CIPC: variants seen among roughly 807,000 people sequenced by gnomAD.
CIPC encodes CLOCK-interacting pacemaker.
Under a neutral mutation model 26.7 loss-of-function variants are expected in CIPC, and 12 were observed. The observed-to-expected ratio is 0.45, with a 90% CI of 0.29 to 0.73. CIPC has a LOEUF of 0.73. Among genes scored for constraint, CIPC ranks in the 30% least tolerant of loss-of-function variants. The pLI, the probability that CIPC is intolerant of heterozygous loss-of-function variation, is 0.12. For missense variants in CIPC, 417 were observed against 486.5 expected (o/e 0.86, Z 1.34); for synonymous variants, 170 against 189.8 (o/e 0.90, Z 0.86).
rs190343092 is a variant in CIPC at position 77,114,117 on chromosome 14, T to C, written c.999T>C (p.Thr333=). 79 of 1,614,078 alleles carry C rather than the reference T, an allele frequency of 4.9e-5. No individual in the cohort carries two copies. The East Asian group carries it at 1.6e-3, about 34-fold the overall frequency. Residue 333 remains threonine, a synonymous_variant, in exon 4 of 4, where the codon ACT becomes ACC. Transcript: ENST00000361786. ...VLHKSGLLEI[T]LKTKELIRQN... ...ATAAATCTGGTTTGCTGGAGATCAC[T>C]TTGAAAACCAAGGAGTTGATTCGTC...
intron 3 of CIPC, among the ~76,000 whole-genome samples, chr14:77,112,355 A>C (rs183499872): frequency 1.3e-5 from 2 of 152,308 alleles, no homozygotes; most frequent in Admixed American, 1.3e-4. Flanking sequence ...ATAATTGAGG[A>C]GTAATAAACA....
intron 1 of CIPC, among the ~76,000 whole-genome samples, chr14:77,100,547 TTC>T (rs1886460494): frequency 1.3e-5 from 2 of 150,468 alleles, no homozygotes; most frequent in South Asian, 4.2e-4. Context: ...CTGGCTCTGA[TTC>T]TCTCTTTTCT....
chr14:77,100,264 C>T (rs1391367903), intron 1 of CIPC, among the ~76,000 whole-genome samples: 7 of 120,078 alleles, frequency 5.8e-5, no homozygotes, highest in Non-Finnish European at 8.1e-5. Context: ...TTTTTTGAGA[C>T]GGAGTCTCAC....
At chr14:77,105,906 C>T (rs1198656177) in intron 2 of CIPC, 62 bp downstream of exon 2, 4 of 1,588,126 alleles carry the variant, frequency 2.5e-6, no homozygotes, top group East Asian at 4.5e-5. Context: ...AAAATTTCCT[C>T]CCCAAAACTC....
rs141636207 is a variant in CIPC, at chr14:77,108,389, C to T, written c.137-1423C>T. On this transcript the variant is annotated intron_variant, in intron 2 of 3. Transcript: ENST00000361786. ...ATCTTTGCCTGAATCATTACATTGG[C>T]GGTTTAAAAGTGGTGATCTTGGCCG... 9.4e-4 allele frequency among the ~76,000 whole-genome samples: 143 copies of T among 152,204 alleles called. 1 individual carries two copies. Among genetic ancestry groups the T allele is most frequent in the Non-Finnish European group, 1.6e-3 (112 of 68,020 alleles).
chr14:77,102,881 T>C (rs1232975773), intron 1 of CIPC, among the ~76,000 whole-genome samples: 1 of 152,248 alleles, frequency 6.6e-6, no homozygotes, highest in Non-Finnish European at 1.5e-5. Flanking sequence ...ACTATGCACA[T>C]TTGTTGAATT....
Position 77,113,628 on chromosome 14 carries a change from G to A in CIPC, c.510G>A (p.Arg170=), listed in dbSNP as rs1039901139. ...YTKIAPHPGK[R]GLSLGPEEKG... ...AAATAGCCCCACATCCAGGCAAAAGGGGCCTTTCCCTTGGCCCAGAAGAAA... is the reference window on the plus strand; with the variant it reads ...AAATAGCCCCACATCCAGGCAAAAGAGGCCTTTCCCTTGGCCCAGAAGAAA... Residue 170 remains arginine, a synonymous_variant, in exon 4 of 4, where the codon AGG becomes AGA. Coordinates refer to ENST00000361786, the MANE Select transcript of CIPC (RefSeq NM_033426.3). 6.2e-7 allele frequency: 1 copy of A among 1,614,072 alleles called. No individual in the cohort carries two copies. Among genetic ancestry groups the A allele is most frequent in the Non-Finnish European group, 8.5e-7 (1 of 1,180,028 alleles).
chr14:77,099,851 A>G (rs1341291087), intron 1 of CIPC: 1 of 151,856 alleles, frequency 6.6e-6, no homozygotes, highest in African/African-American at 2.4e-5. Context: ...TCAACTTAGA[A>G]TAAGGGGTAG....
chr14:77,099,437 G>C (rs1310807798), intron 1 of CIPC, among the ~76,000 whole-genome samples: 3 of 152,216 alleles, frequency 2.0e-5, no homozygotes, highest in African/African-American at 7.2e-5. Flanking sequence ...TTTTTCCACT[G>C]TTAAGATACC....
At position 77,109,969 on chromosome 14, in the gene CIPC, G is replaced by A. The variant is rs768633665; in HGVS notation, c.294G>A (p.Val98=). The change falls in exon 3 of 4, where the codon GTG becomes GTA. Residue 98 remains valine (V), a synonymous_variant. Coordinates refer to ENST00000361786, the MANE Select transcript of CIPC (RefSeq NM_033426.3). The stretch of plus-strand genomic sequence containing the variant: ...CTCCCATGGTCGTCATGAAGAATGT[G>A]CTTGTCAAACAGGTGAGGAGGACTA... The part of the protein sequence containing the change: ...TLSPMVVMKN[V]LVKQGSSSSQ... 1 of 1,614,150 alleles carries A rather than the reference G, an allele frequency of 6.2e-7. No individual in the cohort carries two copies. Among genetic ancestry groups the A allele is most frequent in the Non-Finnish European group, 8.5e-7 (1 of 1,180,018 alleles).
At chr14:77,109,350 G>C (rs1466688480) in intron 2 of CIPC, among the ~76,000 whole-genome samples, 1 of 152,092 alleles carries the variant, frequency 6.6e-6, no homozygotes, top group East Asian at 1.9e-4. Context: ...ATTGTTTTGA[G>C]GTTTACAGAT....
At chr14:77,106,285 A>G (rs919658396) in intron 2 of CIPC, among the ~76,000 whole-genome samples, 2 of 152,154 alleles carry the variant, frequency 1.3e-5, no homozygotes, top group African/African-American at 4.8e-5. Flanking sequence ...TCATTGAGAA[A>G]GTAGTTTCGC....
At chr14:77,101,955 A>G (rs562578647) in intron 1 of CIPC, among the ~76,000 whole-genome samples, 2 of 152,190 alleles carry the variant, frequency 1.3e-5, no homozygotes, top group African/African-American at 4.8e-5. Flanking sequence ...GTGTGGTGGT[A>G]TGCGCCTGGA....
At chr14:77,110,101 C>A in intron 3 of CIPC, 120 bp downstream of exon 3, 3 of 914,154 alleles carry the variant, frequency 3.3e-6, no homozygotes, top group South Asian at 1.8e-5. Flanking sequence ...CCATTAGAAC[C>A]ACACCAATGT....
intron 2 of CIPC, 97 bp downstream of exon 2, chr14:77,105,941 T>TTG (rs1228737350): frequency 1.4e-6 from 2 of 1,416,734 alleles, no homozygotes; most frequent in Non-Finnish European, 2.0e-6. Flanking sequence ...GATGGGATGC[T>TTG]TTCACACACA....
intron 1 of CIPC, among the ~76,000 whole-genome samples, chr14:77,102,685 T>G (rs1886513632): frequency 1.3e-5 from 2 of 152,186 alleles, no homozygotes; most frequent in Admixed American, 1.3e-4. Flanking sequence ...ATGTGAAACT[T>G]CAAGAACCTA....
rs1017257131 is a variant in CIPC at position 77,098,346 on chromosome 14, G to A, written c.-68G>A. 1 of 152,746 alleles carries A rather than the reference G, an allele frequency of 6.5e-6. No individual in the cohort carries two copies. The highest frequency in any genetic ancestry group is 1.5e-5 in the Non-Finnish European group (1 of 68,086). The allele number at this position is 152,746 out of a possible 1,614,324, so 9.5% of individuals were successfully genotyped here. ...TGACCCACAGGCCGGTCGTGGAGCTGCGACCCCGGCCCTAGGTGAGAAAGG... is the reference window on the plus strand; with the variant it reads ...TGACCCACAGGCCGGTCGTGGAGCTACGACCCCGGCCCTAGGTGAGAAAGG... On this transcript the variant is annotated 5_prime_UTR_variant, in exon 1 of 4. Transcript: ENST00000361786.
chr14:77,101,353 G>A (rs1279099174), intron 1 of CIPC, among the ~76,000 whole-genome samples: 1 of 152,152 alleles, frequency 6.6e-6, no homozygotes, highest in African/African-American at 2.4e-5. Flanking sequence ...GTAGCCCTTT[G>A]TTCTACATCC....
At chr14:77,108,501 G>A (rs893984804) in intron 2 of CIPC, among the ~76,000 whole-genome samples, 2 of 152,086 alleles carry the variant, frequency 1.3e-5, no homozygotes, top group Non-Finnish European at 2.9e-5. Flanking sequence ...AGACCAGCCT[G>A]ACCAACATGG....
Sources: gnomAD v4.1 joint callset for allele counts (sites outside exome capture counted in the v4.1 genomes callset) on GRCh38, gnomAD v4.1.1 for gene constraint, MANE v1.5 for transcripts, NCBI Gene and HGNC (gene_info 2026-07-23, HGNC 2026-07-21) for gene names.